Variants in KLRG1 observed in about 807,000 individuals in gnomAD.
KLRG1 encodes the protein killer cell lectin like receptor G1, also known as killer cell lectin-like receptor subfamily G member 1.
Under a neutral mutation model 21.8 loss-of-function variants are expected in KLRG1, and 16 were observed. That is an observed-to-expected ratio of 0.73 (90% CI 0.50 to 1.11). The LOEUF (loss-of-function observed/expected upper bound fraction) is 1.11, where lower values mean the gene tolerates loss of function less well. KLRG1 is among the 50% of genes most tolerant of loss of function. The pLI is 0.00. For synonymous variants in KLRG1, 69 were observed against 75.9 expected, an observed-to-expected ratio of 0.91 and a Z score of 0.47; for missense variants, 173 against 218.3, an observed-to-expected ratio of 0.79 and a Z score of 1.31.
At chr12:9,094,340 C>T in the KLRG1 span, among the ~76,000 whole-genome samples, 51 of 97,020 alleles carry the variant, frequency 5.3e-4, 1 homozygote, top group East Asian at 0.015. Flanking sequence ...AAAAATTGTG[C>T]ATATATATAT....
chr12:9,009,548 C>T lies in KLRG1; in HGVS notation c.*11C>T. The stretch of plus-strand genomic sequence containing the variant: ...AAGGTCAGACTTTGATAGATGACCA[C>T]TCTGTCCTGACCCTCAGATCTGTCA... On this transcript the variant is annotated 3_prime_UTR_variant, in exon 5 of 5. Transcript: ENST00000356986. 6.2e-7 allele frequency: 1 copy of T among 1,613,512 alleles called. No individual in the cohort carries two copies. Among genetic ancestry groups the T allele is most frequent in the Admixed American group, 1.7e-5 (1 of 59,980 alleles).
At chr12:8,954,025 G>A (rs1397099358) in intron 1 of KLRG1, among the ~76,000 whole-genome samples, 1 of 152,138 alleles carries the variant, frequency 6.6e-6, no homozygotes, top group African/African-American at 2.4e-5. Flanking sequence ...CAGCCAGTGG[G>A]AGCCTTTTAG....
At chr12:9,203,806 C>A in the KLRG1 span, 1 of 1,614,132 alleles carries the variant, frequency 6.2e-7, no homozygotes, top group Non-Finnish European at 8.5e-7. Flanking sequence ...TTCTCCGCCA[C>A]CAGGTCAGTG....
At chr12:9,148,886 C>T in the KLRG1 span, 1 of 1,202,580 alleles carries the variant, frequency 8.3e-7, no homozygotes, top group Non-Finnish European at 1.2e-6. Flanking sequence ...TTTTTAGTGT[C>T]TATTTTATAG....
chr12:9,124,183 C>T, the KLRG1 span, among the ~76,000 whole-genome samples: 1 of 152,162 alleles, frequency 6.6e-6, no homozygotes, highest in Admixed American at 6.5e-5. Flanking sequence ...AGAGGATTCT[C>T]GGGGCAAACG....
chr12:9,011,420 C>T (rs1344073725), downstream of KLRG1, among the ~76,000 whole-genome samples: 3 of 152,198 alleles, frequency 2.0e-5, no homozygotes, highest in African/African-American at 4.8e-5. Context: ...TTAGCACTTA[C>T]ATTGCACAGT....
chr12:9,102,377 G>A, the KLRG1 span, among the ~76,000 whole-genome samples: 136 of 152,046 alleles, frequency 8.9e-4, 1 homozygote, highest in Non-Finnish European at 2.6e-4. Flanking sequence ...ACCCCACCCA[G>A]CTAATTTTTT....
the KLRG1 span, among the ~76,000 whole-genome samples, chr12:9,070,334 T>A: frequency 6.6e-6 from 1 of 152,240 alleles, no homozygotes; most frequent in Non-Finnish European, 1.5e-5. Flanking sequence ...TCAGCATTCA[T>A]ACAAACACAT....
the KLRG1 span, chr12:9,091,231 C>A: frequency 1.9e-6 from 3 of 1,614,100 alleles, no homozygotes; most frequent in Non-Finnish European, 2.5e-6. Context: ...AGTTTAGGAC[C>A]GTGGCCTTGA....
At chr12:8,980,866 C>G (rs956738160) in intron 1 of KLRG1, among the ~76,000 whole-genome samples, 1 of 152,098 alleles carries the variant, frequency 6.6e-6, no homozygotes, top group Non-Finnish European at 1.5e-5. Flanking sequence ...CTGAGTGGCA[C>G]AGGTTGCATG....
At chr12:9,196,612 A>G in the KLRG1 span, 9 of 1,613,492 alleles carry the variant, frequency 5.6e-6, no homozygotes, top group Admixed American at 5.0e-5. Context: ...TCTAAGCTTC[A>G]TTTCAAAGCC....
chr12:8,977,074 G>A (rs193078681), intron 1 of KLRG1, among the ~76,000 whole-genome samples: 32 of 151,840 alleles, frequency 2.1e-4, no homozygotes, highest in Admixed American at 8.5e-4. Flanking sequence ...TTTTTCTCAT[G>A]TAAGTATAGC....
At chr12:9,028,794 C>T in the KLRG1 span, 1 of 612,882 alleles carries the variant, frequency 1.6e-6, no homozygotes, top group Non-Finnish European at 3.1e-6. Flanking sequence ...GTTAAGTGGG[C>T]ACCTGGTCTT....
the KLRG1 span, among the ~76,000 whole-genome samples, chr12:9,033,869 A>G: frequency 6.6e-6 from 1 of 151,666 alleles, no homozygotes; most frequent in Non-Finnish European, 1.5e-5. Context: ...ATCCAAGAGG[A>G]CTCCCTATCG....
chr12:9,162,261 T>C, the KLRG1 span: 134,132 of 202,798 alleles, frequency 0.66, 44,897 homozygotes, highest in Admixed American at 0.73. Context: ...CACACCCGGC[T>C]AACCCTGCTC....
At chr12:9,212,800 C>T in the KLRG1 span, among the ~76,000 whole-genome samples, 1 of 151,666 alleles carries the variant, frequency 6.6e-6, no homozygotes, top group Non-Finnish European at 1.5e-5. Context: ...TAAATGGACA[C>T]AAATTCCCAT....
chr12:9,153,007 C>T, the KLRG1 span: 1 of 1,612,042 alleles, frequency 6.2e-7, no homozygotes, highest in Non-Finnish European at 8.5e-7. Flanking sequence ...CCCTCACTTC[C>T]TCATTACTTA....
At chr12:9,106,241 CA>C in the KLRG1 span, 1 of 1,603,392 alleles carries the variant, frequency 6.2e-7, no homozygotes, top group South Asian at 1.1e-5. Flanking sequence ...TCCACCTGCC[CA>C]AAGAAGGGAA....
intron 1 of KLRG1, among the ~76,000 whole-genome samples, chr12:8,970,233 C>T (rs748155030): frequency 5.3e-5 from 8 of 152,358 alleles, no homozygotes; most frequent in African/African-American, 1.9e-4. Flanking sequence ...TTGGAACACA[C>T]ACACAACTAT....
Sources: gnomAD v4.1 joint callset for allele counts (sites outside exome capture counted in the v4.1 genomes callset) on GRCh38, gnomAD v4.1.1 for gene constraint, MANE v1.5 for transcripts, NCBI Gene and HGNC (gene_info 2026-07-23, HGNC 2026-07-21) for gene names.